The following TCFL5 variants were observed in gnomAD, a reference collection of about 807,000 sequenced individuals.
TCFL5 encodes transcription factor-like 5 protein.
Under a neutral mutation model 44.3 loss-of-function variants are expected in TCFL5, and 9 were observed. The ratio of observed to expected loss-of-function variants is 0.20; its 90% CI spans 0.12 to 0.35. The LOEUF (loss-of-function observed/expected upper bound fraction) is 0.35. TCFL5 is among the 10% of genes least tolerant of loss of function. The pLI, the probability that TCFL5 is intolerant of heterozygous loss-of-function variation, is 1.00. For synonymous variants in TCFL5, 319 were observed against 271.6 expected, an observed-to-expected ratio of 1.17 and a Z score of -1.72; for missense variants, 603 against 613.4, an observed-to-expected ratio of 0.98 and a Z score of 0.18.
intron 1 of TCFL5, among the ~76,000 whole-genome samples, chr20:62,860,517 T>A (rs2063979032): frequency 6.6e-6 from 1 of 152,214 alleles, no homozygotes; most frequent in Non-Finnish European, 1.5e-5. Flanking sequence ...CTCCCTGCTC[T>A]CATCACATCC....
intron 5 of TCFL5, among the ~76,000 whole-genome samples, chr20:62,853,083 A>T (rs905230394): frequency 2.8e-5 from 4 of 142,108 alleles, no homozygotes; most frequent in African/African-American, 1.2e-4. Context: ...CCGCAGAAGC[A>T]CAGTCACCGG....
chr20:62,845,637 T>C (rs1600826781), intron 5 of TCFL5: 1 of 1,490,338 alleles, frequency 6.7e-7, no homozygotes, highest in Non-Finnish European at 9.1e-7. Flanking sequence ...TGCTGGGGCG[T>C]CACCCCTTCA....
In TCFL5 at chr20:62,861,506, C is replaced by A; in HGVS notation, c.165G>T (p.Thr55=). ...GCGAGCAGAGGATGTGCTGCAGCTG[C>A]GTGTACTCCACCTCCGTCATCTCCA... ...SLVEMTEVEY[T]QLQHILCSHM... Residue 55 remains threonine, a synonymous_variant, in exon 1 of 6, where the codon ACG becomes ACT. Transcript: ENST00000335351. This position sits in a 1 kb window ranked among gnomAD's most constrained non-coding sequence, Gnocchi z 4.0. 8.4e-7 allele frequency: 1 copy of A among 1,195,552 alleles called. No individual in the cohort carries two copies. Among genetic ancestry groups the A allele is most frequent in the Non-Finnish European group, 1.1e-6 (1 of 947,864 alleles). The allele number at this position is 1,195,552 out of a possible 1,614,324, so 74.1% of individuals were successfully genotyped here.
Position 62,857,531 on chromosome 20 carries a change from C to T in TCFL5, c.1102G>A (p.Gly368Ser). The stretch of plus-strand genomic sequence containing the variant: ...CAAGCGCCTTGTGTGGCGGTGGCAC[C>T]TTCGCCCACATTCTGAATCTCTCCA... Reference protein sequence around the residue: ...ALGEIQNVGEGATATQGAWQS... With the variant: ...ALGEIQNVGESATATQGAWQS... The change falls in exon 4 of 6, where the codon GGT becomes AGT. Residue 368 changes from glycine to serine, a missense_variant. Physicochemically the swap from Gly to Ser is moderately conservative, Grantham distance 56. This residue lies in a region of TCFL5 where 540 missense variants were observed against 478.7 expected (regional missense o/e 1.13). Transcript: ENST00000335351. 2 of 1,614,260 alleles carry T rather than the reference C, an allele frequency of 1.2e-6. No individual in the cohort carries two copies. Among genetic ancestry groups the T allele is most frequent in the Non-Finnish European group, 8.5e-7 (1 of 1,180,052 alleles).
chr20:62,850,663 T>C (rs1250512437), intron 5 of TCFL5, among the ~76,000 whole-genome samples: 1 of 152,114 alleles, frequency 6.6e-6, no homozygotes, highest in East Asian at 1.9e-4. Flanking sequence ...CAGGGTGATA[T>C]GGGTCATGTC....
rs189332330 is a variant in TCFL5 at position 62,847,801 on chromosome 20, G to T, written c.1381-5704C>A. On this transcript the variant is annotated intron_variant, in intron 5 of 5. Coordinates refer to ENST00000335351, the MANE Select transcript of TCFL5 (RefSeq NM_006602.4). ...GAGGCGGGCGGATCACCTGAGGTCAGGAGTTCGAGACCAGCCTGGCCAATA... is the reference window on the plus strand; with the variant it reads ...GAGGCGGGCGGATCACCTGAGGTCATGAGTTCGAGACCAGCCTGGCCAATA... Among the ~76,000 whole-genome samples, 56 of 152,104 alleles carry T rather than the reference G, an allele frequency of 3.7e-4. No homozygotes were observed. In the Middle Eastern group the frequency reaches 0.014, roughly 37 times the overall value.
intron 2 of TCFL5, 37 bp downstream of exon 2, chr20:62,860,088 T>C (rs375168072): frequency 1.9e-6 from 3 of 1,573,374 alleles, no homozygotes; most frequent in African/African-American, 1.4e-5. Flanking sequence ...ACCCATTTAA[T>C]ACAAAAGAGC....
rs1162312708 is a variant in TCFL5 at position 62,842,517 on chromosome 20, T to C, written c.1381-420A>G. On this transcript the variant is annotated intron_variant, in intron 5 of 5. Coordinates refer to ENST00000335351, the MANE Select transcript of TCFL5 (RefSeq NM_006602.4). This position sits in a 1 kb window ranked among gnomAD's most constrained non-coding sequence, Gnocchi z 4.3. ...CGGCTCACGCCTATAATCCCAGCAC[T>C]TTGGGAGGCCGAGGTGGGTGGATCA... Among the ~76,000 whole-genome samples the C allele has an allele frequency of 1.3e-5, 2 of 152,208 alleles. No individual in the cohort carries two copies. The highest frequency in any genetic ancestry group is 2.9e-5 in the Non-Finnish European group (2 of 68,028).
chr20:62,853,331 T>C lies in TCFL5; in HGVS notation c.1380+685A>G, dbSNP rs957070133. 7.2e-5 allele frequency among the ~76,000 whole-genome samples: 11 copies of C among 152,068 alleles called. 2 individuals are homozygous for C. The highest frequency in any genetic ancestry group is 1.9e-4 in the East Asian group (1 of 5,164). ...GACTATTTGACACTTATCTGCATTT[T>C]TGTTTCTCTTTCTTTTTTGGGGTGG... On this transcript the variant is annotated intron_variant, in intron 5 of 5. Transcript: ENST00000335351.
At chr20:62,851,812 C>G in intron 5 of TCFL5, 1 of 985,378 alleles carries the variant, frequency 1.0e-6, no homozygotes, top group Non-Finnish European at 1.2e-6. Flanking sequence ...GACGTAGACA[C>G]AGGAGCCCTT....
At position 62,841,702 on chromosome 20, in the gene TCFL5, G is replaced by T. The variant is rs1175736155; in HGVS notation, c.*273C>A. ...AAACATGATGGAATCAGAGCATTGAGAAAATGCTTACTAATTATTACTAAT... is the reference window on the plus strand; with the variant it reads ...AAACATGATGGAATCAGAGCATTGATAAAATGCTTACTAATTATTACTAAT... On this transcript the variant is annotated 3_prime_UTR_variant, in exon 6 of 6. Transcript: ENST00000335351. The T allele has an allele frequency of 4.0e-6, 1 of 249,018 alleles. No individual in the cohort carries two copies. Among genetic ancestry groups the T allele is most frequent in the Non-Finnish European group, 7.6e-6 (1 of 131,596 alleles). 15.4% of individuals were successfully genotyped at this position (249,018 alleles called of 1,614,324 possible).
Position 62,861,543 on chromosome 20 carries a change from T to C in TCFL5, c.128A>G (p.Asp43Gly). Residue 43 changes from aspartate (D) to glycine (G), a missense_variant, in exon 1 of 6, where the codon GAC becomes GGC. Asp to Gly is a moderately conservative substitution (Grantham distance 94). Coordinates refer to ENST00000335351, the MANE Select transcript of TCFL5 (RefSeq NM_006602.4). This position sits in a 1 kb window ranked among gnomAD's most constrained non-coding sequence, Gnocchi z 4.0. ...GEPGLSFTTTDLSLVEMTEVE... is the reference protein window; with the variant it reads ...GEPGLSFTTTGLSLVEMTEVE... ...CTCCGTCATCTCCACCAGGCTCAGGTCGGTGGTCGTGAAGCTCAGCCCCGG... is the reference window on the plus strand; with the variant it reads ...CTCCGTCATCTCCACCAGGCTCAGGCCGGTGGTCGTGAAGCTCAGCCCCGG... 1 of 1,153,760 alleles carries C rather than the reference T, an allele frequency of 8.7e-7. No homozygotes were observed. The highest frequency in any genetic ancestry group is 1.1e-6 in the Non-Finnish European group (1 of 923,680). 71.5% of individuals were successfully genotyped at this position (1,153,760 alleles called of 1,614,324 possible).
In TCFL5 at chr20:62,842,088, T is replaced by G; in HGVS notation, c.1390A>C (p.Ser464Arg). 6.2e-7 allele frequency: 1 copy of G among 1,614,122 alleles called. No homozygotes were observed. The highest frequency in any genetic ancestry group is 1.1e-5 in the South Asian group (1 of 91,082). The change falls in exon 6 of 6, where the codon AGC becomes CGC. Residue 464 changes from serine to arginine, a missense_variant. Ser to Arg is a moderately radical substitution (Grantham distance 110). Around this residue, in one of 4 missense-constraint regions of TCFL5, gnomAD observed 41 missense variants for 61.4 expected, o/e 0.67. Transcript: ENST00000335351. This position sits in a 1 kb window ranked among gnomAD's most constrained non-coding sequence, Gnocchi z 4.3. ...CGGCCAGTTTTACCGCAAAATACGC[T>G]CTCAAATTCCTGCAGTGAAGAAGTG... ...HGDSLKKEFESVFCGKTGRRL... is the reference protein window; with the variant it reads ...HGDSLKKEFERVFCGKTGRRL...
At chr20:62,850,902 C>G (rs1446320825) in intron 5 of TCFL5, among the ~76,000 whole-genome samples, 2 of 152,166 alleles carry the variant, frequency 1.3e-5, no homozygotes, top group Non-Finnish European at 2.9e-5. Flanking sequence ...CCGAGTCCGG[C>G]TGGCTCGCAG....
chr20:62,855,364 T>C (rs992869768), intron 4 of TCFL5, among the ~76,000 whole-genome samples: 1 of 152,200 alleles, frequency 6.6e-6, no homozygotes, highest in South Asian at 2.1e-4. Flanking sequence ...GGACTTGCTA[T>C]GTTGCCCAGG....
At chr20:62,844,421 C>T (rs2063713674) in intron 5 of TCFL5, among the ~76,000 whole-genome samples, 1 of 151,892 alleles carries the variant, frequency 6.6e-6, no homozygotes, top group Non-Finnish European at 1.5e-5. Flanking sequence ...TTCAGTTGTG[C>T]TGTCTTTTTT....
At chr20:62,855,428 G>A (rs1219929465) in intron 4 of TCFL5, among the ~76,000 whole-genome samples, 1 of 152,288 alleles carries the variant, frequency 6.6e-6, no homozygotes, top group Non-Finnish European at 1.5e-5. Flanking sequence ...CCACAGTCAT[G>A]AGCCACTGCA....
intron 5 of TCFL5, among the ~76,000 whole-genome samples, chr20:62,849,280 A>C (rs528852472): frequency 2.6e-5 from 4 of 152,226 alleles, no homozygotes; most frequent in African/African-American, 4.8e-5. Flanking sequence ...GAATGGAGCA[A>C]ACCCGGACAG....
intron 5 of TCFL5, chr20:62,851,709 G>C: frequency 1.0e-6 from 1 of 985,386 alleles, no homozygotes; most frequent in Non-Finnish European, 1.2e-6. Context: ...ACAGAAAAGG[G>C]ACAGAGACAA....
Sources: allele counts gnomAD v4.1 joint callset (sites outside exome capture counted in the v4.1 genomes callset), GRCh38; gene constraint gnomAD v4.1.1; regional missense constraint gnomAD v4.1.1; non-coding constraint Gnocchi (gnomAD v3.1); transcripts MANE v1.5; gene names NCBI Gene and HGNC (gene_info 2026-07-23, HGNC 2026-07-21).